Variants in TSPAN18 observed in about 807,000 individuals in gnomAD.
TSPAN18 encodes the protein tetraspanin 18.
In TSPAN18, 14 loss-of-function variants were observed where a neutral mutation model predicts 27.3. The observed-to-expected ratio is 0.51, with a 90% confidence interval of 0.34 to 0.80. The LOEUF (loss-of-function observed/expected upper bound fraction) is 0.80. TSPAN18 is among the 30% of genes least tolerant of loss of function. TSPAN18 has a pLI of 0.01. For synonymous variants in TSPAN18, 143 were observed against 136.5 expected, an observed-to-expected ratio of 1.05 and a Z score of -0.33; for missense variants, 268 against 323.9, an observed-to-expected ratio of 0.83 and a Z score of 1.32.
At chr11:44,740,520 C>A (rs528074115) in intron 1 of TSPAN18, among the ~76,000 whole-genome samples, 187 of 152,202 alleles carry the variant, frequency 1.2e-3, no homozygotes, top group African/African-American at 4.3e-3. Flanking sequence ...TGGGAGATTT[C>A]CCTGGGGGAC....
intron 2 of TSPAN18, among the ~76,000 whole-genome samples, chr11:44,784,939 G>A (rs1856021097): frequency 6.6e-6 from 1 of 152,194 alleles, no homozygotes; most frequent in Non-Finnish European, 1.5e-5. Context: ...ACCTAATAAT[G>A]TGAGTGGTGA....
intron 1 of TSPAN18, among the ~76,000 whole-genome samples, chr11:44,759,612 G>A (rs2134879706): frequency 6.6e-6 from 1 of 152,100 alleles, no homozygotes; most frequent in East Asian, 1.9e-4. Context: ...CATCCACCCA[G>A]TCATTTTCCC....
intron 2 of TSPAN18, among the ~76,000 whole-genome samples, chr11:44,790,450 TGC>T: frequency 6.6e-6 from 1 of 151,208 alleles, no homozygotes; most frequent in Non-Finnish European, 1.5e-5. Flanking sequence ...TGTTCGTGTG[TGC>T]ATGTGTGTAT....
intron 2 of TSPAN18, among the ~76,000 whole-genome samples, chr11:44,841,510 C>T (rs1857373116): frequency 1.2e-5 from 1 of 85,810 alleles, no homozygotes; most frequent in Non-Finnish European, 2.9e-5. Context: ...CACGAAATTC[C>T]ATCTAAAAAA....
chr11:44,909,283 C>T (rs1198129700), intron 4 of TSPAN18, among the ~76,000 whole-genome samples: 1 of 152,158 alleles, frequency 6.6e-6, no homozygotes, highest in Non-Finnish European at 1.5e-5. Context: ...GTCAGGGGGC[C>T]TGCGACCAAA....
chr11:44,840,505 G>A (rs1857351765), intron 2 of TSPAN18, among the ~76,000 whole-genome samples: 1 of 152,220 alleles, frequency 6.6e-6, no homozygotes, highest in East Asian at 1.9e-4. Flanking sequence ...GAAGTTCAAA[G>A]CAGTGAAGTA....
chr11:44,918,008 C>CATCA lies in TSPAN18; in HGVS notation c.295_296insATCA (p.Leu99HisfsTer32). ...CATCCTGATCATCTTCCTGGCAGAG[C>CATCA]TCTCAGCAGCCATCCTGGCCTTCAT... On this transcript the variant is annotated frameshift_variant, in exon 6 of 10. Coordinates refer to ENST00000520358, the MANE Select transcript of TSPAN18 (RefSeq NM_130783.5). LOFTEE classifies it high-confidence loss of function. The CATCA allele has an allele frequency of 6.2e-7, 1 of 1,614,174 alleles. No individual in the cohort carries two copies.
intron 1 of TSPAN18, chr11:44,736,606 T>C (rs1854801012): frequency 6.6e-6 from 1 of 152,198 alleles, no homozygotes; most frequent in African/African-American, 2.4e-5. Flanking sequence ...TAGATGACTC[T>C]CAGCTCCAGA....
At chr11:44,759,961 A>G (rs1392859081) in intron 1 of TSPAN18, among the ~76,000 whole-genome samples, 1 of 152,222 alleles carries the variant, frequency 6.6e-6, no homozygotes, top group Non-Finnish European at 1.5e-5. Flanking sequence ...AAGGATGATT[A>G]GGAGTTTGCC....
At chr11:44,872,542 TC>T (rs1858223723) in intron 3 of TSPAN18, among the ~76,000 whole-genome samples, 1 of 152,240 alleles carries the variant, frequency 6.6e-6, no homozygotes, top group African/African-American at 2.4e-5. Context: ...GAATCCCCTT[TC>T]CATCCTTGCT....
chr11:44,741,997 C>T (rs1377811484), intron 1 of TSPAN18, among the ~76,000 whole-genome samples: 3 of 151,978 alleles, frequency 2.0e-5, no homozygotes, highest in African/African-American at 7.3e-5. Context: ...GACCCATATA[C>T]GTTGTAGCTC....
intron 1 of TSPAN18, 96 bp downstream of exon 1, chr11:44,727,383 G>T (rs963587950): frequency 1.3e-5 from 2 of 152,474 alleles, no homozygotes; most frequent in Non-Finnish European, 2.9e-5. Context: ...GGTGCTGCTG[G>T]ACGCGGCGGG....
rs888191125 is a variant in TSPAN18 at position 44,783,693 on chromosome 11, G to A, written c.-153+19181G>A. On this transcript the variant is annotated intron_variant, in intron 2 of 9. Transcript: ENST00000520358. ...ATTACAGGCGTGAGCCACCGCGCCCGGCCTCCCAAGACTATTTCTGAGGAC... is the reference window on the plus strand; with the variant it reads ...ATTACAGGCGTGAGCCACCGCGCCCAGCCTCCCAAGACTATTTCTGAGGAC... Among the ~76,000 whole-genome samples the A allele has an allele frequency of 9.9e-5, 15 of 152,090 alleles. 1 individual carries two copies. In the East Asian group the frequency reaches 1.5e-3, roughly 16 times the overall value.
intron 2 of TSPAN18, among the ~76,000 whole-genome samples, chr11:44,831,052 G>A (rs1857143347): frequency 6.6e-6 from 1 of 152,164 alleles, no homozygotes; most frequent in South Asian, 2.1e-4. Flanking sequence ...GGTGGAAGTT[G>A]CAGTGAGCTG....
In TSPAN18 at chr11:44,930,842, TC is replaced by T; in HGVS notation, c.*1668del. ...GCAGTGTGATGTCTGCTCTCTTCTCTCCCCTCTGTCCCTCTTCAGGAAGAAA... is the reference window on the plus strand; with the variant it reads ...GCAGTGTGATGTCTGCTCTCTTCTCTCCCTCTGTCCCTCTTCAGGAAGAAA... On this transcript the variant is annotated 3_prime_UTR_variant, in exon 10 of 10. Transcript: ENST00000520358. 2.0e-6 allele frequency: 1 copy of T among 503,492 alleles called. No homozygotes were observed. The highest frequency in any genetic ancestry group is 4.1e-6 in the Non-Finnish European group (1 of 244,588). 31.2% of individuals were successfully genotyped at this position (503,492 alleles called of 1,614,324 possible). A position where few individuals can be genotyped will look rare whatever the true frequency, so the allele number is the denominator to read the frequency against.
At chr11:44,837,003 C>G (rs999132545) in intron 2 of TSPAN18, among the ~76,000 whole-genome samples, 3 of 152,190 alleles carry the variant, frequency 2.0e-5, no homozygotes, top group African/African-American at 7.2e-5. Context: ...TGTTGTTTTC[C>G]TGCCTGCTAA....
In TSPAN18 at chr11:44,762,282, C is replaced by T. The variant is rs146851715; in HGVS notation, c.-239-2144C>T. Among the ~76,000 whole-genome samples, 141 of 152,282 alleles carry T rather than the reference C, an allele frequency of 9.3e-4. 1 individual carries two copies. Among genetic ancestry groups the T allele is most frequent in the African/African-American group, 3.3e-3 (138 of 41,534 alleles). Reference sequence around the variant, plus strand: ...AATAAATTATGGCCCACATGTACTACGGGATACTGTGCAGCTATGAAAAGG... The same window carrying T: ...AATAAATTATGGCCCACATGTACTATGGGATACTGTGCAGCTATGAAAAGG... On this transcript the variant is annotated intron_variant, in intron 1 of 9. Coordinates refer to ENST00000520358, the MANE Select transcript of TSPAN18 (RefSeq NM_130783.5).
At chr11:44,809,467 C>T (rs943804101) in intron 2 of TSPAN18, among the ~76,000 whole-genome samples, 1 of 152,200 alleles carries the variant, frequency 6.6e-6, no homozygotes, top group African/African-American at 2.4e-5. Flanking sequence ...CAGTGGCTCC[C>T]CAGGAATTGG....
chr11:44,746,757 A>G, intron 1 of TSPAN18, among the ~76,000 whole-genome samples: 1 of 152,158 alleles, frequency 6.6e-6, no homozygotes, highest in East Asian at 1.9e-4. Context: ...ACCCTCTCTC[A>G]AAAAATAATT....
Sources: gnomAD v4.1 joint callset for allele counts (sites outside exome capture counted in the v4.1 genomes callset) on GRCh38, gnomAD v4.1.1 for gene constraint, MANE v1.5 for transcripts, NCBI Gene and HGNC (gene_info 2026-07-23, HGNC 2026-07-21) for gene names.